The following PLXNA4 variants were observed in gnomAD, a reference collection of about 807,000 sequenced individuals.
The protein encoded by PLXNA4 is plexin-A4.
PLXNA4 carries 44 observed loss-of-function variants against 191.8 expected under a neutral mutation model. The observed-to-expected ratio is 0.23, with a 90% CI of 0.18 to 0.29. PLXNA4 has a LOEUF of 0.29. Among genes scored for constraint, PLXNA4 ranks in the 10% least tolerant of loss-of-function variants. The pLI, the probability that PLXNA4 is intolerant of heterozygous loss-of-function variation, is 1.00. For synonymous variants in PLXNA4, 1,082 were observed against 1,009.5 expected (o/e 1.07, Z -1.36); for missense variants, 1,800 against 2,488.8 (o/e 0.72, Z 5.89).
At chr7:132,466,298 A>G (rs1267474966) in intron 3 of PLXNA4, among the ~76,000 whole-genome samples, 2 of 152,214 alleles carry the variant, frequency 1.3e-5, no homozygotes, top group Non-Finnish European at 2.9e-5. Context: ...CCTGAGCCCA[A>G]CAGGGCATGA....
chr7:132,168,626 A>C (rs901097369), intron 21 of PLXNA4, 54 bp from the exon 22 acceptor site: 2 of 1,511,968 alleles, frequency 1.3e-6, no homozygotes, highest in Non-Finnish European at 1.8e-6. Context: ...GAGCTCAGTG[A>C]CCTCCCCACG....
chr7:132,597,521 G>C (rs575401747), intron 2 of PLXNA4, among the ~76,000 whole-genome samples: 8 of 152,174 alleles, frequency 5.3e-5, no homozygotes, highest in African/African-American at 1.7e-4. Context: ...AGAGAATTGA[G>C]TCAACCATAT....
chr7:132,591,784 G>A (rs182841048), intron 2 of PLXNA4, among the ~76,000 whole-genome samples: 10 of 152,210 alleles, frequency 6.6e-5, no homozygotes, highest in South Asian at 2.1e-4. Context: ...GGCAAGGGTC[G>A]GCATCTGCCA....
chr7:132,160,809 C>A (rs565738393), intron 24 of PLXNA4, among the ~76,000 whole-genome samples: 2 of 152,208 alleles, frequency 1.3e-5, no homozygotes, highest in Non-Finnish European at 1.5e-5. Context: ...CACTCCACCC[C>A]CTTCTTGCTG....
At chr7:132,516,017 G>T (rs570015057) in intron 1 of PLXNA4, among the ~76,000 whole-genome samples, 54 of 152,206 alleles carry the variant, frequency 3.5e-4, no homozygotes, top group African/African-American at 1.3e-3. Context: ...TTGGAAACAC[G>T]TGAATGAATG....
At chr7:132,477,467 C>G (rs1797175316) in intron 3 of PLXNA4, among the ~76,000 whole-genome samples, 2 of 152,222 alleles carry the variant, frequency 1.3e-5, no homozygotes, top group African/African-American at 4.8e-5. Flanking sequence ...TAACATGGAG[C>G]AGGGCTGCAG....
intron 3 of PLXNA4, among the ~76,000 whole-genome samples, chr7:132,445,086 C>T (rs993237981): frequency 2.1e-4 from 26 of 126,136 alleles, no homozygotes; most frequent in Non-Finnish European, 3.7e-4. Flanking sequence ...ACCCAGGAGG[C>T]GGAGCTTGCA....
intron 3 of PLXNA4, among the ~76,000 whole-genome samples, chr7:132,339,987 T>A (rs1383226020): frequency 6.6e-6 from 1 of 152,238 alleles, no homozygotes; most frequent in Non-Finnish European, 1.5e-5. Flanking sequence ...AGATCCAGAC[T>A]GAAAATACTC....
chr7:132,601,330 G>A (rs1485076563), intron 2 of PLXNA4, among the ~76,000 whole-genome samples: 1 of 151,976 alleles, frequency 6.6e-6, no homozygotes, highest in Non-Finnish European at 1.5e-5. Context: ...TAGAGCCCGT[G>A]AGAGATTCCC....
chr7:132,395,118 T>C (rs1793703286), intron 3 of PLXNA4, among the ~76,000 whole-genome samples: 1 of 152,202 alleles, frequency 6.6e-6, no homozygotes, highest in Non-Finnish European at 1.5e-5. Flanking sequence ...ATTGGCCAAA[T>C]AACCCACTTT....
At chr7:132,467,999 G>C (rs1471252247) in intron 3 of PLXNA4, among the ~76,000 whole-genome samples, 1 of 152,134 alleles carries the variant, frequency 6.6e-6, no homozygotes, top group Non-Finnish European at 1.5e-5. Context: ...CATGCACACA[G>C]CTCCAGCTGG....
chr7:132,204,238 TGAA>T (rs1446971409), intron 10 of PLXNA4, among the ~76,000 whole-genome samples: 2 of 152,054 alleles, frequency 1.3e-5, no homozygotes, highest in Admixed American at 6.5e-5. Flanking sequence ...GGTGCTGGCT[TGAA>T]GATGATGGTG....
intron 3 of PLXNA4, among the ~76,000 whole-genome samples, chr7:132,402,517 G>A (rs1794032422): frequency 1.3e-5 from 2 of 152,158 alleles, no homozygotes; most frequent in Non-Finnish European, 2.9e-5. Context: ...ACACAGGGGA[G>A]AGGGGCAGTG....
Position 132,187,462 on chromosome 7 carries a change from C to T in PLXNA4, c.2993+9G>A. 3.1e-6 allele frequency: 5 copies of T among 1,610,872 alleles called. No individual in the cohort carries two copies. In the South Asian group the frequency reaches 5.5e-5, roughly 18 times the overall value. ...CTCTGGTGCTGCAGAAAGGGGCCCT[C>T]TGAGTTACCTGTGGAAGAGACAGGG... is the stretch of plus-strand genomic sequence containing the variant. On this transcript the variant is annotated intron_variant, in intron 15 of 31. Coordinates refer to ENST00000321063, the MANE Select transcript of PLXNA4 (RefSeq NM_020911.2).
chr7:132,264,684 CTT>C (rs56218905), intron 4 of PLXNA4, among the ~76,000 whole-genome samples: 53,144 of 130,476 alleles, frequency 0.41, 9,416 homozygotes, highest in East Asian at 0.54. Context: ...GTCCTCCCCG[CTT>C]TTTTTTTTTT....
intron 1 of PLXNA4, among the ~76,000 whole-genome samples, chr7:132,543,761 A>G (rs1050897630): frequency 6.6e-6 from 1 of 152,270 alleles, no homozygotes; most frequent in African/African-American, 2.4e-5. Context: ...CAAGCAAAGG[A>G]GTTCTCCTTG....
intron 3 of PLXNA4, among the ~76,000 whole-genome samples, chr7:132,447,323 T>C (rs138381821): frequency 4.4e-3 from 666 of 152,310 alleles, no homozygotes; most frequent in African/African-American, 0.015. Context: ...TGGATATGCA[T>C]ACCTCAGTCC....
rs776520491 is a variant in PLXNA4, at chr7:132,130,280, G to A, written c.*199C>T. On this transcript the variant is annotated 3_prime_UTR_variant, in exon 32 of 32. Transcript: ENST00000321063. ...TGAGGGTCAGTGGCTTGGTCCAATC[G>A]TGTTGGCAGAGCAACTGGAAGAGAA... The A allele has an allele frequency of 6.8e-5, 49 of 724,562 alleles. No individual in the cohort carries two copies. The highest frequency in any genetic ancestry group is 1.1e-4 in the South Asian group (6 of 53,854). The allele number at this position is 724,562 out of a possible 1,614,324, so 44.9% of individuals were successfully genotyped here.
intron 1 of PLXNA4, among the ~76,000 whole-genome samples, chr7:132,561,503 ACCTCCT>A (rs1274779821): frequency 1.1e-4 from 2 of 18,520 alleles, no homozygotes; most frequent in African/African-American, 2.3e-4. Flanking sequence ...CTCCTCCCCC[ACCTCCT>A]CCTCCTCCTT....
Sources: gnomAD v4.1 joint callset for allele counts (sites outside exome capture counted in the v4.1 genomes callset) on GRCh38, gnomAD v4.1.1 for gene constraint, MANE v1.5 for transcripts, NCBI Gene and HGNC (gene_info 2026-07-23, HGNC 2026-07-21) for gene names.